STIMATE: variants seen among roughly 807,000 people sequenced by gnomAD.
STIMATE encodes the protein STIM activating enhancer.
In STIMATE, 15 loss-of-function variants were observed where a neutral mutation model predicts 36.7. That is an observed-to-expected ratio of 0.41 (90% CI 0.27 to 0.63). The LOEUF is 0.63. STIMATE is among the 20% of genes least tolerant of loss of function. STIMATE has a pLI of 0.32. For missense variants in STIMATE, 305 were observed against 397.3 expected (o/e 0.77, Z 1.98); for synonymous variants, 163 against 162.3 (o/e 1.00, Z -0.03).
chr3:52,852,810 T>A (rs909339334), intron 2 of STIMATE, 112 bp from the exon 3 acceptor site: 1 of 1,324,986 alleles, frequency 7.5e-7, no homozygotes, highest in Admixed American at 2.3e-5. Flanking sequence ...TTCCAATCAC[T>A]GGTTATCTCT....
chr3:52,895,295 C>G (rs562008636), intron 1 of STIMATE, among the ~76,000 whole-genome samples: 1 of 152,344 alleles, frequency 6.6e-6, no homozygotes. Context: ...TTGTCCAGCT[C>G]CCAGAGTACC....
chr3:52,846,008 T>A (rs6445540), intron 4 of STIMATE, among the ~76,000 whole-genome samples: 135,914 of 151,344 alleles, frequency 0.9, 62,914 homozygotes, highest in East Asian at 1. Flanking sequence ...TCCAAAGAGA[T>A]ATCTCCAGCT....
intron 1 of STIMATE, among the ~76,000 whole-genome samples, chr3:52,856,512 C>T (rs530841580): frequency 1.3e-5 from 2 of 151,728 alleles, no homozygotes; most frequent in Non-Finnish European, 2.9e-5. Flanking sequence ...GAGACCACGT[C>T]TCTACAAAAT....
At chr3:52,876,850 T>C (rs1701509838) in intron 1 of STIMATE, among the ~76,000 whole-genome samples, 1 of 152,230 alleles carries the variant, frequency 6.6e-6, no homozygotes, top group Admixed American at 6.5e-5. Context: ...AGAAGTTATA[T>C]GCGGGTTTTC....
At chr3:52,849,263 C>T (rs1028512527) in intron 4 of STIMATE, among the ~76,000 whole-genome samples, 9 of 152,200 alleles carry the variant, frequency 5.9e-5, no homozygotes, top group Non-Finnish European at 1.0e-4. Context: ...TGTCCTGAAA[C>T]CTCAGAGGGC....
At chr3:52,868,820 G>T (rs770724733) in intron 1 of STIMATE, among the ~76,000 whole-genome samples, 12 of 152,056 alleles carry the variant, frequency 7.9e-5, no homozygotes, top group African/African-American at 2.9e-4. Flanking sequence ...AGGTTTTACC[G>T]TGTTGTCTAG....
intron 1 of STIMATE, among the ~76,000 whole-genome samples, chr3:52,860,063 T>C (rs1701191228): frequency 1.3e-5 from 2 of 151,336 alleles, no homozygotes; most frequent in Non-Finnish European, 3.0e-5. Flanking sequence ...TCTTTTTTTT[T>C]TTTTTTTTAA....
intron 1 of STIMATE, among the ~76,000 whole-genome samples, chr3:52,885,773 T>C (rs1436188659): frequency 3.3e-5 from 5 of 152,250 alleles, no homozygotes; most frequent in African/African-American, 7.2e-5. Flanking sequence ...TGGGCTTCGC[T>C]TGGGTTCCTC....
chr3:52,855,562 T>A, intron 1 of STIMATE, 118 bp from the exon 2 acceptor site: 1 of 1,391,190 alleles, frequency 7.2e-7, no homozygotes. Context: ...ATACACACAC[T>A]CTTTTAACAT....
chr3:52,841,523 C>G (rs1700797244), intron 7 of STIMATE, among the ~76,000 whole-genome samples: 1 of 152,220 alleles, frequency 6.6e-6, no homozygotes, highest in South Asian at 2.1e-4. Context: ...AGGTTGGAAC[C>G]ACCTAGGTTG....
chr3:52,897,481 C>A lies in STIMATE; in HGVS notation c.-31G>T. 8.2e-7 allele frequency: 1 copy of A among 1,220,234 alleles called. No homozygotes were observed. Among genetic ancestry groups the A allele is most frequent in the South Asian group, 3.9e-5 (1 of 25,954 alleles). The allele number at this position is 1,220,234 out of a possible 1,614,324, so 75.6% of individuals were successfully genotyped here. A position where few individuals can be genotyped will look rare whatever the true frequency, so the allele number is the denominator to read the frequency against. Reference sequence around the variant, plus strand: ...GCCTCGCGGGAGGGGCGCGAGGGCCCAGGGCCCGCCCGGCCTCGCTGCCTG... The same window carrying A: ...GCCTCGCGGGAGGGGCGCGAGGGCCAAGGGCCCGCCCGGCCTCGCTGCCTG... On this transcript the variant is annotated 5_prime_UTR_variant, in exon 1 of 8. Coordinates refer to ENST00000355083, the MANE Select transcript of STIMATE (RefSeq NM_198563.5).
intron 1 of STIMATE, among the ~76,000 whole-genome samples, chr3:52,892,419 G>A (rs571297963): frequency 1.5e-4 from 23 of 152,322 alleles, no homozygotes; most frequent in African/African-American, 5.1e-4. Flanking sequence ...TGAAAGCTCT[G>A]AGCCAGCCAG....
At chr3:52,866,609 G>A (rs537665844) in intron 1 of STIMATE, among the ~76,000 whole-genome samples, 87 of 152,304 alleles carry the variant, frequency 5.7e-4, no homozygotes, top group Non-Finnish European at 1.0e-3. Flanking sequence ...CCAGGTCACC[G>A]ACTGCTCACT....
At chr3:52,855,219 T>A (rs1701072129) in intron 2 of STIMATE, among the ~76,000 whole-genome samples, 177 bp downstream of exon 2, 1 of 152,304 alleles carries the variant, frequency 6.6e-6, no homozygotes, top group East Asian at 1.9e-4. Flanking sequence ...ACAAAAATGC[T>A]TTCATAATAT....
chr3:52,853,200 G>C (rs199825162), intron 2 of STIMATE, among the ~76,000 whole-genome samples: 1 of 152,162 alleles, frequency 6.6e-6, no homozygotes, highest in East Asian at 1.9e-4. Flanking sequence ...GGTTTTGTGC[G>C]CCATATGATC....
At position 52,897,524 on chromosome 3, in the gene STIMATE, A is replaced by C. The variant is rs1165755187; in HGVS notation, c.-74T>G. 1.2e-5 allele frequency: 14 copies of C among 1,184,288 alleles called. No homozygotes were observed. Among genetic ancestry groups the C allele is most frequent in the Non-Finnish European group, 1.4e-5 (13 of 958,446 alleles). 73.4% of individuals were successfully genotyped at this position (1,184,288 alleles called of 1,614,324 possible). On this transcript the variant is annotated 5_prime_UTR_variant, in exon 1 of 8. Transcript: ENST00000355083. Reference sequence around the variant, plus strand: ...GCTGCCTGCCGGCGCAGCGCCGCCAAACCCGCAGCCGGGATCCCAAGCCTG... The same window carrying C: ...GCTGCCTGCCGGCGCAGCGCCGCCACACCCGCAGCCGGGATCCCAAGCCTG...
chr3:52,847,549 C>G (rs779164892), intron 4 of STIMATE: 12 of 1,289,740 alleles, frequency 9.3e-6, no homozygotes, highest in Non-Finnish European at 1.2e-5. Context: ...TTGGCCTTCT[C>G]TTCTAGGAAC....
chr3:52,846,488 G>A (rs1700905441), intron 4 of STIMATE: 1 of 152,216 alleles, frequency 6.6e-6, no homozygotes, highest in African/African-American at 2.4e-5. Flanking sequence ...GGAGCCAGCG[G>A]AGCGCGCGGC....
chr3:52,854,606 G>GT (rs1255362792), intron 2 of STIMATE, among the ~76,000 whole-genome samples: 1 of 152,212 alleles, frequency 6.6e-6, no homozygotes, highest in Non-Finnish European at 1.5e-5. Flanking sequence ...ATCAGTAAAT[G>GT]TAAGTAAATG....
Sources: allele counts gnomAD v4.1 joint callset (sites outside exome capture counted in the v4.1 genomes callset), GRCh38; gene constraint gnomAD v4.1.1; transcripts MANE v1.5; gene names NCBI Gene and HGNC (gene_info 2026-07-23, HGNC 2026-07-21).